Variants in ZNF33B observed in about 807,000 individuals in gnomAD.
ZNF33B encodes the protein zinc finger protein 33B, also known as zinc finger protein 11b (KOX 2).
In ZNF33B, 29 loss-of-function variants were observed where a neutral mutation model predicts 45.8. The observed-to-expected ratio is 0.63, with a 90% CI of 0.47 to 0.86. The LOEUF (loss-of-function observed/expected upper bound fraction) is 0.86, where lower values mean the gene tolerates loss of function less well. ZNF33B is among the 40% of genes least tolerant of loss of function. The probability of loss-of-function intolerance (pLI) is 0.00; values close to 1 mark genes in which losing one functional copy is unlikely to be tolerated. For missense variants in ZNF33B, 831 were observed against 909.9 expected (o/e 0.91, Z 1.12); for synonymous variants, 305 against 307.8 (o/e 0.99, Z 0.10).
intron 4 of ZNF33B, among the ~76,000 whole-genome samples, chr10:42,620,973 G>A (rs1838553329): frequency 1.3e-5 from 2 of 152,190 alleles, no homozygotes; most frequent in South Asian, 4.2e-4. Context: ...GCAGCATCCT[G>A]AAACATGTAA....
At chr10:42,600,367 T>A (rs531391062) in intron 4 of ZNF33B, among the ~76,000 whole-genome samples, 11 of 152,262 alleles carry the variant, frequency 7.2e-5, no homozygotes, top group African/African-American at 2.6e-4. Context: ...ATTTTGCAAA[T>A]CTGTTACTAA....
At chr10:42,616,576 AT>A (rs1318733819) in intron 4 of ZNF33B, among the ~76,000 whole-genome samples, 3 of 152,168 alleles carry the variant, frequency 2.0e-5, no homozygotes, top group Non-Finnish European at 4.4e-5. Flanking sequence ...TGTCTGTGTA[AT>A]GGACAGTAGA....
downstream of ZNF33B, among the ~76,000 whole-genome samples, chr10:42,588,792 G>A (rs1435180741): frequency 6.6e-6 from 1 of 152,190 alleles, no homozygotes; most frequent in African/African-American, 2.4e-5. Context: ...TAGGGAAGCA[G>A]ATCTTACTGC....
Position 42,592,971 on chromosome 10 carries a change from G to A in ZNF33B, c.1979C>T (p.Thr660Ile), listed in dbSNP as rs375223573. The A allele has an allele frequency of 5.6e-6, 9 of 1,613,912 alleles. No individual in the cohort carries two copies. The highest frequency in any genetic ancestry group is 7.6e-6 in the Non-Finnish European group (9 of 1,179,962). ...GTTACATTTATAAGGCTTTTCTTGT[G>A]TATGGGTTCTCTGATGTACAATTAG... ...SALIVHQRTH[T>I]QEKPYKCNEC... The change falls in exon 5 of 5, where the codon ACA (threonine) becomes ATA (isoleucine). Residue 660 changes from threonine to isoleucine, a missense_variant. Coordinates refer to ENST00000359467, the MANE Select transcript of ZNF33B (RefSeq NM_006955.3).
chr10:42,588,104 C>A (rs1263352155), downstream of ZNF33B, among the ~76,000 whole-genome samples: 1 of 152,168 alleles, frequency 6.6e-6, no homozygotes, highest in African/African-American at 2.4e-5. Flanking sequence ...AGAGCTCCAG[C>A]CAGTCCTTTG....
downstream of ZNF33B, among the ~76,000 whole-genome samples, chr10:42,586,880 CAATAGA>C (rs1836946907): frequency 6.6e-6 from 1 of 152,136 alleles, no homozygotes; most frequent in Non-Finnish European, 1.5e-5. Context: ...CGTTTATAAG[CAATAGA>C]AATTTACCTC....
At chr10:42,633,946 G>A (rs1839169698) in intron 2 of ZNF33B, among the ~76,000 whole-genome samples, 1 of 144,546 alleles carries the variant, frequency 6.9e-6, no homozygotes, top group Admixed American at 7.2e-5. Flanking sequence ...CTCCAGCCTG[G>A]GTAACAAGAG....
At chr10:42,579,466 T>C (rs1314124163) in intron 1 of ZNF33B, among the ~76,000 whole-genome samples, 3 of 152,242 alleles carry the variant, frequency 2.0e-5, no homozygotes, top group Non-Finnish European at 2.9e-5. Flanking sequence ...TGTAATGTTA[T>C]GAATGGCATG....
chr10:42,576,045 C>T (rs1348004932), intron 1 of ZNF33B, among the ~76,000 whole-genome samples: 1 of 151,948 alleles, frequency 6.6e-6, no homozygotes, highest in Admixed American at 6.5e-5. Context: ...TGCCTGCCAC[C>T]ATGCCCAGCT....
chr10:42,638,393 C>T (rs1451355693), intron 1 of ZNF33B, 81 bp downstream of exon 1: 1 of 350,332 alleles, frequency 2.9e-6, no homozygotes, highest in East Asian at 8.3e-5. Flanking sequence ...CTCGCCACCA[C>T]CTGGCACTGG....
chr10:42,600,517 T>C (rs1837574740), intron 4 of ZNF33B, among the ~76,000 whole-genome samples: 1 of 152,218 alleles, frequency 6.6e-6, no homozygotes, highest in African/African-American at 2.4e-5. Flanking sequence ...TTTACCATTC[T>C]ACATCTTTTC....
intron 4 of ZNF33B, among the ~76,000 whole-genome samples, chr10:42,602,753 C>T (rs114670216): frequency 0.017 from 2,556 of 152,228 alleles, 76 homozygotes; most frequent in African/African-American, 0.059. Context: ...AGTTTTTCCA[C>T]GCTGGCTGGC....
At position 42,616,871 on chromosome 10, in the gene ZNF33B, A is replaced by G. The variant is rs1838342991; in HGVS notation, c.250+15058T>C. Among the ~76,000 whole-genome samples the G allele has an allele frequency of 2.0e-5, 3 of 151,312 alleles. No individual in the cohort carries two copies. The South Asian group carries it at 6.3e-4, about 32-fold the overall frequency. ...CCATCATGCCCGGCTAATTTTTTGTATTTTAGTAGAGACGGGGTTTCACCA... is the reference window on the plus strand; with the variant it reads ...CCATCATGCCCGGCTAATTTTTTGTGTTTTAGTAGAGACGGGGTTTCACCA... On this transcript the variant is annotated intron_variant, in intron 4 of 4. Coordinates refer to ENST00000359467, the MANE Select transcript of ZNF33B (RefSeq NM_006955.3).
At chr10:42,584,718 A>AC (rs1836895994), downstream of ZNF33B, among the ~76,000 whole-genome samples, 1 of 152,226 alleles carries the variant, frequency 6.6e-6, no homozygotes, top group South Asian at 2.1e-4. Flanking sequence ...ACAGGGTTTT[A>AC]CCATGTTGGC....
chr10:42,584,570 G>T (rs1436714036), downstream of ZNF33B, among the ~76,000 whole-genome samples: 1 of 151,886 alleles, frequency 6.6e-6, no homozygotes, highest in Non-Finnish European at 1.5e-5. Context: ...TCCCAGGCTG[G>T]AGTGCAATGG....
chr10:42,604,539 G>A (rs1484420957), intron 4 of ZNF33B, among the ~76,000 whole-genome samples: 1 of 152,160 alleles, frequency 6.6e-6, no homozygotes, highest in Admixed American at 6.5e-5. Context: ...AAAAATATTA[G>A]TAAGAAGACA....
intron 4 of ZNF33B, among the ~76,000 whole-genome samples, chr10:42,624,971 A>G (rs1228772818): frequency 1.3e-5 from 2 of 152,072 alleles, no homozygotes; most frequent in African/African-American, 4.8e-5. Context: ...ACTGGATACA[A>G]TAATTCCTCC....
At chr10:42,613,049 T>C (rs771957035) in intron 4 of ZNF33B, among the ~76,000 whole-genome samples, 4 of 152,098 alleles carry the variant, frequency 2.6e-5, no homozygotes, top group Non-Finnish European at 4.4e-5. Flanking sequence ...ATGCAAAAAA[T>C]AGTATCAATG....
chr10:42,603,701 G>A (rs777993963), intron 4 of ZNF33B, among the ~76,000 whole-genome samples: 13 of 152,180 alleles, frequency 8.5e-5, no homozygotes, highest in Non-Finnish European at 1.2e-4. Flanking sequence ...GAAAACAATA[G>A]AGCAATATGT....
Sources: gnomAD v4.1 joint callset for allele counts (sites outside exome capture counted in the v4.1 genomes callset) on GRCh38, gnomAD v4.1.1 for gene constraint, MANE v1.5 for transcripts, NCBI Gene and HGNC (gene_info 2026-07-23, HGNC 2026-07-21) for gene names.